Variants in C2orf15 observed in about 807,000 individuals in gnomAD.
C2orf15 encodes the protein uncharacterized protein C2orf15.
C2orf15 carries 3 observed loss-of-function variants against 4.4 expected under a neutral mutation model. That is an observed-to-expected ratio of 0.67 (90% CI 0.31 to 1.74). The LOEUF (loss-of-function observed/expected upper bound fraction) is 1.74. Ranked by LOEUF, C2orf15 falls within the 40% of genes most tolerant of loss-of-function variation. C2orf15 has a pLI of 0.09. For synonymous variants in C2orf15, 37 were observed against 36.8 expected, an observed-to-expected ratio of 1.00 and a Z score of -0.02; for missense variants, 90 against 103.3, an observed-to-expected ratio of 0.87 and a Z score of 0.56.
rs2093683801 is a variant in C2orf15 at position 99,150,624 on chromosome 2, T to C, written c.66T>C (p.Asp22=). The C allele has an allele frequency of 3.7e-6, 6 of 1,614,092 alleles. No individual in the cohort carries two copies. Among genetic ancestry groups the C allele is most frequent in the Non-Finnish European group, 4.2e-6 (5 of 1,179,978 alleles). ...CTATACATATGGATTCAAAAGTGGA[T>C]GATCACTTAATACGAGGGACTGAAA... ...VSAIHMDSKV[D]DHLIRGTEKS... is the part of the protein sequence containing the mutation. Residue 22 remains aspartate (D), a synonymous_variant, in exon 4 of 4, where the codon GAT becomes GAC. Coordinates refer to ENST00000650052, the MANE Select transcript of C2orf15 (RefSeq NM_144706.4).
At chr2:99,144,864 T>C (rs1267753252) in intron 2 of C2orf15, among the ~76,000 whole-genome samples, 1 of 152,032 alleles carries the variant, frequency 6.6e-6, no homozygotes. Flanking sequence ...AGGTTTGGCA[T>C]AGAATATGCT....
chr2:99,143,662 C>T (rs993705665), intron 2 of C2orf15, among the ~76,000 whole-genome samples: 1 of 151,788 alleles, frequency 6.6e-6, no homozygotes, highest in South Asian at 2.1e-4. Context: ...TGTAGAGATG[C>T]GGTTTCACCA....
At chr2:99,144,717 T>C (rs1345632762) in intron 2 of C2orf15, among the ~76,000 whole-genome samples, 1 of 147,686 alleles carries the variant, frequency 6.8e-6, no homozygotes, top group African/African-American at 2.5e-5. Context: ...TACTCCATCA[T>C]GACTAGCAGC....
chr2:99,149,159 A>T (rs2093662347), intron 3 of C2orf15, among the ~76,000 whole-genome samples: 1 of 134,572 alleles, frequency 7.4e-6, no homozygotes, highest in Non-Finnish European at 1.6e-5. Flanking sequence ...GAAAGGGTGA[A>T]ACTCCATCTC....
chr2:99,149,255 G>A (rs1574773033), intron 3 of C2orf15, among the ~76,000 whole-genome samples: 1 of 151,780 alleles, frequency 6.6e-6, no homozygotes, highest in Admixed American at 6.6e-5. Flanking sequence ...AGCATCTTGG[G>A]TAGATCACTC....
At chr2:99,143,067 T>C (rs1315727289) in intron 2 of C2orf15, among the ~76,000 whole-genome samples, 1 of 150,342 alleles carries the variant, frequency 6.7e-6, no homozygotes, top group African/African-American at 2.4e-5. Flanking sequence ...CCTGAGAAAG[T>C]AAAAATTTCC....
intron 2 of C2orf15, among the ~76,000 whole-genome samples, chr2:99,144,474 A>ATGTGTTT (rs893548533): frequency 2.0e-5 from 3 of 150,918 alleles, no homozygotes; most frequent in Admixed American, 6.6e-5. Flanking sequence ...CCATTGCTTC[A>ATGTGTTT]TGTGTTTTGT....
At position 99,150,834 on chromosome 2, in the gene C2orf15, A is replaced by G. The variant is rs751665325; in HGVS notation, c.276A>G (p.Ter92TrpextTer16). Residue 92 changes from the stop codon to tryptophan, a stop_lost, in exon 4 of 4, where the codon TGA becomes TGG. Transcript: ENST00000650052. ...SDGLEMTDVE[*>W] ...GACTAGAAATGACAGATGTGGAATG[A>G]AGCAATTTGTACGTATTACCAAAGA... 30 of 1,576,520 alleles carry G rather than the reference A, an allele frequency of 1.9e-5. No homozygotes were observed. In the South Asian group the frequency reaches 3.3e-4, roughly 17 times the overall value.
intron 3 of C2orf15, 112 bp downstream of exon 3, chr2:99,147,605 G>A (rs878950321): frequency 1.1e-5 from 10 of 905,692 alleles, no homozygotes; most frequent in African/African-American, 3.3e-5. Flanking sequence ...ATTCTTTTAC[G>A]TTTGTTGATT....
intron 2 of C2orf15, among the ~76,000 whole-genome samples, chr2:99,144,874 T>C (rs2105129299): frequency 6.6e-6 from 1 of 152,224 alleles, no homozygotes; most frequent in East Asian, 1.9e-4. Context: ...TAGAATATGC[T>C]TGAGGAACAG....
At chr2:99,144,649 C>CAAAAAAAA (rs70940140) in intron 2 of C2orf15, among the ~76,000 whole-genome samples, 5,607 of 52,028 alleles carry the variant, frequency 0.11, 893 homozygotes, top group Non-Finnish European at 0.15. Flanking sequence ...AACTCTGTCT[C>CAAAAAAAA]AAAAAAAAAA....
intron 2 of C2orf15, among the ~76,000 whole-genome samples, chr2:99,145,155 T>C (rs1285972055): frequency 2.6e-5 from 4 of 152,174 alleles, no homozygotes; most frequent in Non-Finnish European, 5.9e-5. Context: ...TGGCAGCCCA[T>C]GTTCCTTGGC....
chr2:99,146,598 T>C (rs1442506464), intron 2 of C2orf15, among the ~76,000 whole-genome samples: 1 of 152,202 alleles, frequency 6.6e-6, no homozygotes, highest in Non-Finnish European at 1.5e-5. Context: ...AGTTCTGCCA[T>C]TCACATTTAG....
chr2:99,146,572 CT>C (rs2093634266), intron 2 of C2orf15, among the ~76,000 whole-genome samples: 1 of 152,082 alleles, frequency 6.6e-6, no homozygotes, highest in East Asian at 1.9e-4. Flanking sequence ...CAGATATTTT[CT>C]TCTATTGCAT....
chr2:99,145,396 C>A (rs1174362730), intron 2 of C2orf15, among the ~76,000 whole-genome samples: 4 of 151,716 alleles, frequency 2.6e-5, no homozygotes, highest in African/African-American at 7.3e-5. Context: ...TGTCTCTCCC[C>A]AAAAATACAA....
intron 2 of C2orf15, chr2:99,147,081 C>T (rs2093639847): frequency 5.7e-6 from 1 of 176,058 alleles, no homozygotes; most frequent in African/African-American, 2.4e-5. Context: ...AGTTACAGCT[C>T]TGTCATATTC....
At position 99,148,900 on chromosome 2, in the gene C2orf15, A is replaced by G. The variant is rs568896873; in HGVS notation, c.-77+1407A>G. Among the ~76,000 whole-genome samples the G allele has an allele frequency of 5.3e-5, 8 of 152,350 alleles. No homozygotes were observed. The East Asian group carries it at 1.3e-3, about 26-fold the overall frequency. On this transcript the variant is annotated intron_variant, in intron 3 of 3. Coordinates refer to ENST00000650052, the MANE Select transcript of C2orf15 (RefSeq NM_144706.4). Reference sequence around the variant, plus strand: ...TTTGCACAAAAATGTAAATGTACTCAATGTCATTGAATTGTACACTTAAAA... The same window carrying G: ...TTTGCACAAAAATGTAAATGTACTCGATGTCATTGAATTGTACACTTAAAA...
intron 2 of C2orf15, among the ~76,000 whole-genome samples, chr2:99,145,664 C>T (rs2093624404): frequency 6.6e-6 from 1 of 152,312 alleles, no homozygotes; most frequent in South Asian, 2.1e-4. Flanking sequence ...TTAATTCCCC[C>T]TTGCCACATA....
intron 2 of C2orf15, chr2:99,147,116 G>A (rs2093640242): frequency 9.0e-6 from 2 of 223,078 alleles, no homozygotes; most frequent in Non-Finnish European, 1.8e-5. Context: ...TCCTGTACCT[G>A]TACAAGGTTA....
Sources: gnomAD v4.1 joint callset for allele counts (sites outside exome capture counted in the v4.1 genomes callset) on GRCh38, gnomAD v4.1.1 for gene constraint, MANE v1.5 for transcripts, NCBI Gene and HGNC (gene_info 2026-07-23, HGNC 2026-07-21) for gene names.